MLXIPL: variants seen among roughly 807,000 people sequenced by gnomAD.
MLXIPL encodes the protein carbohydrate-responsive element-binding protein.
MLXIPL carries 49 observed loss-of-function variants against 81.5 expected under a neutral mutation model. The observed-to-expected ratio is 0.60, with a 90% CI of 0.48 to 0.76. The LOEUF is 0.76. MLXIPL is among the 30% of genes least tolerant of loss of function. The pLI, the probability that MLXIPL is intolerant of heterozygous loss-of-function variation, is 0.00. For missense variants in MLXIPL, 1,053 were observed against 1,167.0 expected (o/e 0.90, Z 1.42); for synonymous variants, 466 against 485.5 (o/e 0.96, Z 0.53).
the MLXIPL span, among the ~76,000 whole-genome samples, chr7:73,646,019 G>A: frequency 6.6e-6 from 1 of 152,130 alleles, no homozygotes; most frequent in South Asian, 2.1e-4. Flanking sequence ...GCAATCCTAA[G>A]CCTGCACGTC....
chr7:73,600,425 G>A (rs1794702103), intron 7 of MLXIPL, among the ~76,000 whole-genome samples: 1 of 115,296 alleles, frequency 8.7e-6, no homozygotes, highest in Non-Finnish European at 1.8e-5. Context: ...GTGGGCAAGA[G>A]GGGCTAAGGG....
the MLXIPL span, among the ~76,000 whole-genome samples, chr7:73,643,528 A>G: frequency 1.3e-5 from 2 of 151,958 alleles, no homozygotes; most frequent in African/African-American, 4.8e-5. Flanking sequence ...AAAAAAAAAA[A>G]AAGAAAGATT....
intron 2 of MLXIPL, among the ~76,000 whole-genome samples, chr7:73,613,288 C>T (rs567400120): frequency 3.7e-4 from 56 of 152,276 alleles, no homozygotes; most frequent in African/African-American, 1.3e-3. Flanking sequence ...TCACTGAAAA[C>T]TCAGTGAACC....
At position 73,593,647 on chromosome 7, in the gene MLXIPL, C is replaced by T. The variant is rs112411728; in HGVS notation, c.*218G>A. 7 of 546,484 alleles carry T rather than the reference C, an allele frequency of 1.3e-5. No homozygotes were observed. Among genetic ancestry groups the T allele is most frequent in the East Asian group, 6.4e-5 (2 of 31,140 alleles). 33.9% of individuals were successfully genotyped at this position (546,484 alleles called of 1,614,324 possible). A position where few individuals can be genotyped will look rare whatever the true frequency, so the allele number is the denominator to read the frequency against. On this transcript the variant is annotated 3_prime_UTR_variant, in exon 17 of 17. Transcript: ENST00000313375. ...ACAGCGGACGAGTCACCCAAGGTCA[C>T]GGTGCTGGAGCACAGTGGCAGAGCA...
intron 5 of MLXIPL, 92 bp from the exon 6 acceptor site, chr7:73,606,203 A>G: frequency 7.5e-7 from 1 of 1,338,038 alleles, no homozygotes; most frequent in Non-Finnish European, 1.0e-6. Flanking sequence ...GGTCAGCAGG[A>G]CAGAGGGTCT....
chr7:73,599,394 T>C, intron 8 of MLXIPL, 132 bp downstream of exon 8: 1 of 1,147,318 alleles, frequency 8.7e-7, no homozygotes, highest in South Asian at 1.3e-5. Flanking sequence ...AGAGATGGGG[T>C]CTTTCTTTCC....
the MLXIPL span, among the ~76,000 whole-genome samples, chr7:73,629,939 T>C: frequency 6.6e-6 from 1 of 152,062 alleles, no homozygotes; most frequent in Non-Finnish European, 1.5e-5. Context: ...CCGCAGGATC[T>C]TCACAACAGC....
In MLXIPL at chr7:73,596,893, C is replaced by T; in HGVS notation, c.1643G>A (p.Ser548Asn). Reference sequence around the variant, plus strand: ...GGACCCTGGGGACCGGAGGAGGGTGCTGGATACAAGTGGTGGCTCCAGGGC... The same window carrying T: ...GGACCCTGGGGACCGGAGGAGGGTGTTGGATACAAGTGGTGGCTCCAGGGC... Reference protein sequence around the residue: ...EQALEPPLVSSTLLRSPGSPQ... With the variant: ...EQALEPPLVSNTLLRSPGSPQ... The change falls in exon 10 of 17, where the codon AGC (serine) becomes AAC (asparagine). Residue 548 changes from serine to asparagine, a missense_variant. By Grantham distance (46) the Ser-to-Asn change is conservative. Transcript: ENST00000313375. The surrounding 1 kb of genome is among the most constrained non-coding windows in gnomAD (Gnocchi z 4.7). 1 of 1,611,178 alleles carries T rather than the reference C, an allele frequency of 6.2e-7. No homozygotes were observed. Among genetic ancestry groups the T allele is most frequent in the Non-Finnish European group, 8.5e-7 (1 of 1,179,680 alleles).
chr7:73,646,952 C>T, the MLXIPL span, among the ~76,000 whole-genome samples: 2 of 152,160 alleles, frequency 1.3e-5, no homozygotes, highest in African/African-American at 4.8e-5. Flanking sequence ...GAGTGGGCCA[C>T]ACTGTCCCCC....
upstream of MLXIPL, among the ~76,000 whole-genome samples, chr7:73,626,083 AACCTCT>A (rs2116558298): frequency 1.3e-5 from 2 of 151,726 alleles, no homozygotes; most frequent in East Asian, 2.0e-4. Context: ...GGCTCACTGC[AACCTCT>A]GCCTCCCTGG....
In MLXIPL at chr7:73,599,979, C is replaced by G. The variant is rs533265952; in HGVS notation, c.902-284G>C. On this transcript the variant is annotated intron_variant, in intron 7 of 16. Coordinates refer to ENST00000313375, the MANE Select transcript of MLXIPL (RefSeq NM_032951.3). Reference sequence around the variant, plus strand: ...GAAGGAGCCCCCTCCCCTCCCCAGCCCCAGGCTTAGCTCAGGAAGTCCCCC... The same window carrying G: ...GAAGGAGCCCCCTCCCCTCCCCAGCGCCAGGCTTAGCTCAGGAAGTCCCCC... Among the ~76,000 whole-genome samples the G allele has an allele frequency of 1.6e-4, 24 of 152,100 alleles. No individual in the cohort carries two copies. In the East Asian group the frequency reaches 4.5e-3, roughly 28 times the overall value.
chr7:73,606,179 C>T (rs569075539), intron 5 of MLXIPL, 68 bp from the exon 6 acceptor site: 198 of 1,491,562 alleles, frequency 1.3e-4, no homozygotes, highest in Admixed American at 2.2e-4. Flanking sequence ...TATCACCCCT[C>T]TCCAGGGTCA....
chr7:73,595,861 C>T lies in MLXIPL; in HGVS notation c.2167G>A (p.Glu723Lys), dbSNP rs149244334. The change falls in exon 14 of 17, where the codon GAG becomes AAG. Residue 723 changes from glutamate to lysine, a missense_variant. Glu to Lys is a moderately conservative substitution (Grantham distance 56). This residue lies in a region of MLXIPL where 823 missense variants were observed against 933.0 expected (regional missense o/e 0.88). Transcript: ENST00000313375. ...GCCTACTTAATGGCGGCATTGAGCTCCTCAATCTCATCCCGCAGCTGCTGG... is the reference window on the plus strand; with the variant it reads ...GCCTACTTAATGGCGGCATTGAGCTTCTCAATCTCATCCCGCAGCTGCTGG... ...EAQQLRDEIE[E>K]LNAAINLCQQ... 1.0e-3 allele frequency: 1,688 copies of T among 1,609,124 alleles called. 1 individual carries two copies. Among genetic ancestry groups the T allele is most frequent in the Middle Eastern group, 1.8e-3 (11 of 6,050 alleles).
chr7:73,632,747 C>CTTCT, the MLXIPL span, among the ~76,000 whole-genome samples: 60 of 40,132 alleles, frequency 1.5e-3, no homozygotes, highest in African/African-American at 7.7e-3. Context: ...TCCTTCTTTC[C>CTTCT]TTCCTTCCTT....
chr7:73,601,821 C>T (rs1279241824), intron 7 of MLXIPL, among the ~76,000 whole-genome samples: 7 of 152,076 alleles, frequency 4.6e-5, no homozygotes, highest in South Asian at 2.1e-4. Context: ...AGTGAGTCAC[C>T]GCGCCCGGCC....
At chr7:73,614,827 T>A (rs1795907751) in intron 2 of MLXIPL, among the ~76,000 whole-genome samples, 1 of 148,658 alleles carries the variant, frequency 6.7e-6, no homozygotes, top group Non-Finnish European at 1.5e-5. Flanking sequence ...TTTTTTTTTT[T>A]TGAGACGGAG....
the MLXIPL span, among the ~76,000 whole-genome samples, chr7:73,640,020 C>A: frequency 6.6e-6 from 1 of 151,004 alleles, no homozygotes. Flanking sequence ...CAAGATCGCA[C>A]CACTCCACTC....
Position 73,623,482 on chromosome 7 carries a change from C to T in MLXIPL, c.293+718G>A, listed in dbSNP as rs1796517967. Among the ~76,000 whole-genome samples, 1 of 151,574 alleles carries T rather than the reference C, an allele frequency of 6.6e-6. No homozygotes were observed. The highest frequency in any genetic ancestry group is 2.1e-4 in the South Asian group (1 of 4,778). On this transcript the variant is annotated intron_variant, in intron 1 of 16. Transcript: ENST00000313375. This position sits in a 1 kb window ranked among gnomAD's most constrained non-coding sequence, Gnocchi z 5.7. ...TCTCGGTGGCACTAAGCGGGGGTCC[C>T]AGGCAGCGACGGGCGCTCAGCCTAG...
chr7:73,599,135 C>T (rs1794585582), intron 8 of MLXIPL, among the ~76,000 whole-genome samples: 1 of 151,622 alleles, frequency 6.6e-6, no homozygotes, highest in Non-Finnish European at 1.5e-5. Context: ...TCACTGTTTC[C>T]TAAACATCCA....
Sources: gnomAD v4.1 joint callset for allele counts (sites outside exome capture counted in the v4.1 genomes callset) on GRCh38, gnomAD v4.1.1 for gene constraint, gnomAD v4.1.1 regional missense constraint, Gnocchi (gnomAD v3.1) non-coding constraint, MANE v1.5 for transcripts, NCBI Gene and HGNC (gene_info 2026-07-23, HGNC 2026-07-21) for gene names.